Variants in MARCHF6 observed in about 807,000 individuals in gnomAD.
MARCHF6 encodes membrane associated ring-CH-type finger 6.
A neutral mutation model predicts 133.7 loss-of-function variants in MARCHF6; 31 were observed. The ratio of observed to expected loss-of-function variants is 0.23; its 90% CI spans 0.17 to 0.31. The LOEUF is 0.31. Ranked by LOEUF, MARCHF6 falls within the 10% of genes least tolerant of loss-of-function variation. MARCHF6 has a pLI of 1.00. For synonymous variants in MARCHF6, 395 were observed against 402.5 expected, an observed-to-expected ratio of 0.98 and a Z score of 0.22; for missense variants, 723 against 1,121.6, an observed-to-expected ratio of 0.64 and a Z score of 5.08.
intron 1 of MARCHF6, among the ~76,000 whole-genome samples, chr5:10,367,670 C>T (rs1251010472): frequency 6.6e-6 from 1 of 152,022 alleles, no homozygotes; most frequent in Non-Finnish European, 1.5e-5. Flanking sequence ...ATGAAATGGG[C>T]TGACTTCCAC....
At chr5:10,422,597 A>G (rs1739881579) in intron 22 of MARCHF6, among the ~76,000 whole-genome samples, 1 of 152,182 alleles carries the variant, frequency 6.6e-6, no homozygotes, top group Non-Finnish European at 1.5e-5. Context: ...ACAAAAAATC[A>G]TTTAGCTGTT....
rs1740618980 is a variant in MARCHF6 at position 10,435,691 on chromosome 5, ATATATATTT to A, written c.*2009_*2017del. ...TATATATATATATATATATATATAT[ATATATATTT>A]TTTTTTTTTTTTTTTTTTTTTTTTT... On this transcript the variant is annotated 3_prime_UTR_variant, in exon 26 of 26. Coordinates refer to ENST00000274140, the MANE Select transcript of MARCHF6 (RefSeq NM_005885.4). 1 of 7,002 alleles carries A rather than the reference ATATATATTT, an allele frequency of 1.4e-4. No individual in the cohort carries two copies. Among genetic ancestry groups the A allele is most frequent in the Non-Finnish European group, 2.4e-4 (1 of 4,242 alleles). 0.4% of individuals were successfully genotyped at this position (7,002 alleles called of 1,614,324 possible).
rs1197466516 is a variant in MARCHF6 at position 10,438,115 on chromosome 5, A to C, written c.*4431A>C. ...AGGCCCCACATTTTGTGCAATAGCA[A>C]GCTACTGCCCACTTCTGCATGTCTG... On this transcript the variant is annotated 3_prime_UTR_variant, in exon 26 of 26. Transcript: ENST00000274140. The C allele has an allele frequency of 6.6e-6, 1 of 152,230 alleles. No individual in the cohort carries two copies. The highest frequency in any genetic ancestry group is 1.5e-5 in the Non-Finnish European group (1 of 68,016). 9.4% of individuals were successfully genotyped at this position (152,230 alleles called of 1,614,324 possible). A position where few individuals can be genotyped will look rare whatever the true frequency, so the allele number is the denominator to read the frequency against.
intron 17 of MARCHF6, among the ~76,000 whole-genome samples, chr5:10,407,437 A>T (rs560649399): frequency 1.3e-5 from 2 of 152,246 alleles, no homozygotes; most frequent in South Asian, 4.1e-4. Flanking sequence ...GATCAGATAA[A>T]CATTAGTACT....
intron 15 of MARCHF6, among the ~76,000 whole-genome samples, chr5:10,404,784 A>G (rs1738780676): frequency 1.3e-5 from 2 of 152,336 alleles, no homozygotes; most frequent in South Asian, 4.1e-4. Flanking sequence ...ATCATACGGT[A>G]TAATTTCAGT....
At chr5:10,421,845 CT>C (rs1739840075) in intron 22 of MARCHF6, 1 of 152,204 alleles carries the variant, frequency 6.6e-6, no homozygotes, top group South Asian at 2.1e-4. Context: ...GTAAAAGATC[CT>C]TTTGAAGCCC....
rs1475799196 is a variant in MARCHF6 at position 10,417,331 on chromosome 5, T to G, written c.2210T>G (p.Leu737Arg). 1 of 1,614,148 alleles carries G rather than the reference T, an allele frequency of 6.2e-7. No individual in the cohort carries two copies. Among genetic ancestry groups the G allele is most frequent in the Non-Finnish European group, 8.5e-7 (1 of 1,180,016 alleles). ...LAGVVPLLLGLLFELVIVAPL... is the reference protein window; with the variant it reads ...LAGVVPLLLGRLFELVIVAPL... ...GGAGTTGTCCCTCTCCTTCTGGGGC[T>G]CCTGTTTGAGCTGGTCATTGTGGCT... Residue 737 changes from leucine to arginine, a missense_variant, in exon 22 of 26, where the codon CTC (leucine) becomes CGC (arginine). Physicochemically the swap from Leu to Arg is moderately radical, Grantham distance 102. Around this residue, in one of 4 missense-constraint regions of MARCHF6, gnomAD observed 492 missense variants for 699.5 expected, o/e 0.70. Transcript: ENST00000274140.
chr5:10,417,216 G>A (rs780612592), intron 21 of MARCHF6, 54 bp from the exon 22 acceptor site: 30 of 1,579,544 alleles, frequency 1.9e-5, no homozygotes, highest in Non-Finnish European at 2.2e-5. Flanking sequence ...AATGGAAATA[G>A]AGTTTGGCTC....
intron 10 of MARCHF6, among the ~76,000 whole-genome samples, chr5:10,398,288 A>C (rs569652908): frequency 1.3e-5 from 2 of 152,210 alleles, no homozygotes; most frequent in South Asian, 2.1e-4. Flanking sequence ...GACGTCTTTA[A>C]TAAGAAGCCA....
chr5:10,429,997 A>G lies in MARCHF6; in HGVS notation c.2611A>G (p.Lys871Glu). ...TTTGTCCTTCCAAGTCCGCCAGTTTAAGCGCCTTTATGAACATATTAAAAA... is the reference window on the plus strand; with the variant it reads ...TTTGTCCTTCCAAGTCCGCCAGTTTGAGCGCCTTTATGAACATATTAAAAA... The part of the protein sequence containing the change: ...AILSFQVRQF[K>E]RLYEHIKNDK... The change falls in exon 25 of 26, where the codon AAG (lysine) becomes GAG (glutamate). Residue 871 changes from lysine (K) to glutamate (E), a missense_variant. This residue lies in a region of MARCHF6 where 492 missense variants were observed against 699.5 expected (regional missense o/e 0.70). Transcript: ENST00000274140. 1 of 1,613,566 alleles carries G rather than the reference A, an allele frequency of 6.2e-7. No homozygotes were observed. The highest frequency in any genetic ancestry group is 8.5e-7 in the Non-Finnish European group (1 of 1,179,502).
chr5:10,392,108 G>A lies in MARCHF6; in HGVS notation c.766+377G>A, dbSNP rs190382498. Among the ~76,000 whole-genome samples, 1,204 of 151,976 alleles carry A rather than the reference G, an allele frequency of 7.9e-3. 13 individuals carry two copies. Among genetic ancestry groups the A allele is most frequent in the Non-Finnish European group, 0.012 (796 of 67,956 alleles). ...CGAGTAGCTGGGACAACAGGCGCTC[G>A]CCACCACGCCCGGCTAATATTTTGT... On this transcript the variant is annotated intron_variant, in intron 7 of 25. Coordinates refer to ENST00000274140, the MANE Select transcript of MARCHF6 (RefSeq NM_005885.4).
chr5:10,395,280 G>T (rs1419116336), intron 9 of MARCHF6, among the ~76,000 whole-genome samples: 1 of 152,152 alleles, frequency 6.6e-6, no homozygotes, highest in African/African-American at 2.4e-5. Context: ...TTAAAAAATT[G>T]TTAAATATTT....
intron 1 of MARCHF6, among the ~76,000 whole-genome samples, chr5:10,360,193 A>T (rs1345203269): frequency 4.0e-5 from 4 of 99,862 alleles, no homozygotes; most frequent in Admixed American, 1.4e-4. Context: ...CTTTTTGCCC[A>T]GGCTAGAGTA....
At chr5:10,363,979 G>GT (rs1735977145) in intron 1 of MARCHF6, among the ~76,000 whole-genome samples, 1 of 152,316 alleles carries the variant, frequency 6.6e-6, no homozygotes, top group African/African-American at 2.4e-5. Flanking sequence ...TCCACTAATA[G>GT]TTACAGGGTT....
intron 21 of MARCHF6, among the ~76,000 whole-genome samples, chr5:10,416,329 A>G (rs970485770): frequency 6.6e-6 from 1 of 152,212 alleles, no homozygotes; most frequent in African/African-American, 2.4e-5. Flanking sequence ...TTATCGATTT[A>G]TATTTTGATT....
chr5:10,391,948 T>G (rs1393739205), intron 7 of MARCHF6, among the ~76,000 whole-genome samples: 4 of 152,128 alleles, frequency 2.6e-5, no homozygotes, highest in Non-Finnish European at 5.9e-5. Flanking sequence ...TTAAAATCCT[T>G]TTTACACAGG....
chr5:10,400,962 A>G, intron 11 of MARCHF6, 120 bp downstream of exon 11: 1 of 737,672 alleles, frequency 1.4e-6, no homozygotes, highest in Non-Finnish European at 2.3e-6. Context: ...GGGAATAGTT[A>G]GGCAATACCG....
intron 1 of MARCHF6, 135 bp from the exon 2 acceptor site, chr5:10,377,663 G>T (rs1236086671): frequency 7.4e-6 from 4 of 542,606 alleles, no homozygotes; most frequent in Non-Finnish European, 1.3e-5. Context: ...ACAACTTTCA[G>T]TTCTCCGTAC....
At chr5:10,421,120 C>T (rs1207095945) in intron 22 of MARCHF6, among the ~76,000 whole-genome samples, 2 of 152,198 alleles carry the variant, frequency 1.3e-5, no homozygotes, top group Non-Finnish European at 2.9e-5. Context: ...CTGAAATCAT[C>T]ATCACCTTAG....
Sources: allele counts gnomAD v4.1 joint callset (sites outside exome capture counted in the v4.1 genomes callset), GRCh38; gene constraint gnomAD v4.1.1; regional missense constraint gnomAD v4.1.1; transcripts MANE v1.5; gene names NCBI Gene and HGNC (gene_info 2026-07-23, HGNC 2026-07-21).